The following SHISA9 variants were observed in gnomAD, a reference collection of about 807,000 sequenced individuals.
The protein encoded by SHISA9 is protein shisa-9.
SHISA9 carries 13 observed loss-of-function variants against 38.0 expected under a neutral mutation model. The observed-to-expected ratio is 0.34, with a 90% CI of 0.22 to 0.54. The LOEUF (loss-of-function observed/expected upper bound fraction) is 0.54, where lower values mean the gene tolerates loss of function less well. Among genes scored for constraint, SHISA9 ranks in the 20% least tolerant of loss-of-function variants. SHISA9 has a pLI of 0.91. For synonymous variants in SHISA9, 275 were observed against 242.0 expected (o/e 1.14, Z -1.27); for missense variants, 538 against 575.8 (o/e 0.93, Z 0.67).
the SHISA9 span, among the ~76,000 whole-genome samples, chr16:13,408,064 G>C: frequency 6.6e-6 from 1 of 151,798 alleles, no homozygotes; most frequent in African/African-American, 2.4e-5. Context: ...TCTTTACTCT[G>C]TTGATAATTT....
the SHISA9 span, among the ~76,000 whole-genome samples, chr16:13,446,435 T>A: frequency 6.6e-6 from 1 of 152,128 alleles, no homozygotes; most frequent in African/African-American, 2.4e-5. Flanking sequence ...TTGTAGTCTA[T>A]AAGATAAAAA....
At chr16:13,388,562 C>T in the SHISA9 span, among the ~76,000 whole-genome samples, 5 of 152,126 alleles carry the variant, frequency 3.3e-5, no homozygotes, top group African/African-American at 1.2e-4. Flanking sequence ...CTCGGCCTCC[C>T]AAAGTGCTGG....
chr16:13,260,758 C>T, the SHISA9 span, among the ~76,000 whole-genome samples: 1 of 152,184 alleles, frequency 6.6e-6, no homozygotes, highest in Non-Finnish European at 1.5e-5. Flanking sequence ...AAGTCGCTTC[C>T]ACATTTTTGG....
the SHISA9 span, among the ~76,000 whole-genome samples, chr16:13,252,708 GT>G: frequency 6.6e-6 from 1 of 152,064 alleles, no homozygotes; most frequent in Non-Finnish European, 1.5e-5. Flanking sequence ...ATCTACTTAT[GT>G]TTACTCTTAT....
chr16:13,201,798 A>G lies in SHISA9; in HGVS notation c.692-1596A>G, dbSNP rs139192185. Among the ~76,000 whole-genome samples the G allele has an allele frequency of 3.1e-4, 39 of 124,644 alleles. 3 individuals are homozygous for G. In the East Asian group the frequency reaches 7.8e-3, roughly 25 times the overall value. 81.8% of individuals were successfully genotyped at this position (124,644 alleles called of 152,430 possible). A position where few individuals can be genotyped will look rare whatever the true frequency, so the allele number is the denominator to read the frequency against. On this transcript the variant is annotated intron_variant, in intron 2 of 4. Transcript: ENST00000558583. ...CTTGAGGATGAGGTGTGTGAAGCAT[A>G]TTGACCCCAGGGCAGTGGCTCCTAT...
chr16:13,011,555 T>C (rs1442713281), intron 2 of SHISA9, among the ~76,000 whole-genome samples: 1 of 152,124 alleles, frequency 6.6e-6, no homozygotes, highest in Non-Finnish European at 1.5e-5. Context: ...GGAGTCTTGC[T>C]CTTTCGCCCA....
chr16:13,407,188 C>A, the SHISA9 span, among the ~76,000 whole-genome samples: 7 of 151,336 alleles, frequency 4.6e-5, no homozygotes, highest in East Asian at 2.0e-4. Flanking sequence ...ATTTATTTCT[C>A]ACCATTCTGG....
chr16:13,019,835 TTTC>T (rs1447106457), intron 2 of SHISA9, among the ~76,000 whole-genome samples: 18 of 67,904 alleles, frequency 2.7e-4, no homozygotes, highest in African/African-American at 4.2e-4. Flanking sequence ...TTTCTTTCTT[TTTC>T]CTTCCTTCCC....
the SHISA9 span, among the ~76,000 whole-genome samples, chr16:13,307,367 T>G: frequency 1.3e-5 from 2 of 152,170 alleles, no homozygotes; most frequent in African/African-American, 4.8e-5. Flanking sequence ...CCTCCTGGCT[T>G]GTGGTTGAGG....
At chr16:13,093,316 A>G (rs918118904) in intron 2 of SHISA9, among the ~76,000 whole-genome samples, 1 of 152,162 alleles carries the variant, frequency 6.6e-6, no homozygotes, top group African/African-American at 2.4e-5. Flanking sequence ...TCTGCCACTT[A>G]CTAGTTGGTG....
chr16:13,328,661 C>T, the SHISA9 span, among the ~76,000 whole-genome samples: 1 of 151,186 alleles, frequency 6.6e-6, no homozygotes, highest in Non-Finnish European at 1.5e-5. Flanking sequence ...TTATCAGAGA[C>T]GTGATTTTGC....
chr16:13,315,060 C>A, the SHISA9 span, among the ~76,000 whole-genome samples: 2 of 143,520 alleles, frequency 1.4e-5, no homozygotes, highest in African/African-American at 5.1e-5. Flanking sequence ...TTGAAATGAT[C>A]TGTGTGTGCA....
the SHISA9 span, among the ~76,000 whole-genome samples, chr16:13,425,385 G>A: frequency 2.0e-5 from 3 of 152,246 alleles, no homozygotes; most frequent in African/African-American, 7.2e-5. Flanking sequence ...TACTCAGAAG[G>A]CTGAGGCAAG....
chr16:13,185,525 C>G (rs1389682009), intron 2 of SHISA9, among the ~76,000 whole-genome samples: 1 of 152,146 alleles, frequency 6.6e-6, no homozygotes, highest in Non-Finnish European at 1.5e-5. Flanking sequence ...TCTTGATTAA[C>G]ATTTTTAGAA....
chr16:13,036,114 T>C (rs997633124), intron 2 of SHISA9, among the ~76,000 whole-genome samples: 1 of 152,208 alleles, frequency 6.6e-6, no homozygotes, highest in Non-Finnish European at 1.5e-5. Flanking sequence ...CCTTACCATA[T>C]GACACATCAA....
intron 2 of SHISA9, among the ~76,000 whole-genome samples, chr16:13,075,561 G>A (rs566679845): frequency 1.2e-4 from 19 of 152,286 alleles, no homozygotes; most frequent in African/African-American, 3.1e-4. Flanking sequence ...GATCCTTCTC[G>A]TTCTGAAAAC....
At chr16:12,969,145 A>G (rs1338976556) in intron 2 of SHISA9, among the ~76,000 whole-genome samples, 1 of 150,722 alleles carries the variant, frequency 6.6e-6, no homozygotes, top group African/African-American at 2.4e-5. Flanking sequence ...TGACAGAGCA[A>G]GACTCCATCT....
intron 2 of SHISA9, among the ~76,000 whole-genome samples, chr16:13,186,630 G>A (rs757947669): frequency 6.6e-5 from 10 of 152,132 alleles, no homozygotes; most frequent in East Asian, 1.9e-4. Context: ...GTACATTTCC[G>A]TAGAGTTTAG....
intron 2 of SHISA9, among the ~76,000 whole-genome samples, chr16:13,008,366 G>A (rs878882670): frequency 2.6e-5 from 4 of 152,078 alleles, no homozygotes; most frequent in Admixed American, 1.3e-4. Context: ...CATTGCACTC[G>A]AATCTTTGTC....
Sources: allele counts gnomAD v4.1 joint callset (sites outside exome capture counted in the v4.1 genomes callset), GRCh38; gene constraint gnomAD v4.1.1; transcripts MANE v1.5; gene names NCBI Gene and HGNC (gene_info 2026-07-23, HGNC 2026-07-21).